Variants in MSH3 observed in about 807,000 individuals in gnomAD.
The protein encoded by MSH3 is mutS homolog 3, also known as DNA mismatch repair protein Msh3.
Under a neutral mutation model 123.3 loss-of-function variants are expected in MSH3, and 106 were observed. That is an observed-to-expected ratio of 0.86 (90% CI 0.73 to 1.01). MSH3 has a LOEUF of 1.01. Ranked by LOEUF, MSH3 falls within the 50% of genes least tolerant of loss-of-function variation. The pLI, the probability that MSH3 is intolerant of heterozygous loss-of-function variation, is 0.00. For missense variants in MSH3, 1,459 were observed against 1,347.6 expected (o/e 1.08, Z -1.29); for synonymous variants, 515 against 481.4 (o/e 1.07, Z -0.91).
At position 80,670,264 on chromosome 5, in the gene MSH3, T is replaced by G. The variant is rs1272356369; in HGVS notation, c.747T>G (p.Cys249Trp). The change falls in exon 4 of 24, where the codon TGT (cysteine) becomes TGG (tryptophan). Residue 249 changes from cysteine (C) to tryptophan (W), a missense_variant. Coordinates refer to ENST00000265081, the MANE Select transcript of MSH3 (RefSeq NM_002439.5). ...AGCAGCACAAAGATGCAGTTTTGTG[T>G]GTGGAATGTGGATATAAGTATAGAT... is the stretch of plus-strand genomic sequence containing the variant. ...MKQQHKDAVL[C>W]VECGYKYRFF... The G allele has an allele frequency of 8.1e-6, 13 of 1,613,978 alleles. No homozygotes were observed. The highest frequency in any genetic ancestry group is 1.1e-5 in the Non-Finnish European group (13 of 1,179,998).
At chr5:80,765,235 TG>T (rs1394724894) in intron 13 of MSH3, among the ~76,000 whole-genome samples, 7 of 152,238 alleles carry the variant, frequency 4.6e-5, no homozygotes, top group Non-Finnish European at 7.3e-5. Context: ...ATCATTTTCT[TG>T]GGATTACAAT....
intron 15 of MSH3, among the ~76,000 whole-genome samples, chr5:80,774,759 T>C (rs1744270765): frequency 1.3e-5 from 2 of 152,098 alleles, no homozygotes; most frequent in Admixed American, 6.5e-5. Context: ...GAGCTAAAAA[T>C]TAAAACAGTT....
chr5:80,671,323 T>C (rs1749719572), intron 4 of MSH3, among the ~76,000 whole-genome samples: 1 of 152,172 alleles, frequency 6.6e-6, no homozygotes, highest in Non-Finnish European at 1.5e-5. Context: ...TAGAGAGTGA[T>C]GAGGTAGCAT....
intron 12 of MSH3, among the ~76,000 whole-genome samples, chr5:80,754,535 A>G (rs1743890676): frequency 6.6e-6 from 1 of 152,200 alleles, no homozygotes; most frequent in African/African-American, 2.4e-5. Context: ...AAAATCAAAT[A>G]CTTACCTGTT....
At position 80,762,778 on chromosome 5, in the gene MSH3, T is replaced by TTTTTATTTTATTTTA. The variant is rs573087291; in HGVS notation, c.1896+1102_1896+1116dup. Among the ~76,000 whole-genome samples, 141 of 128,028 alleles carry TTTTTATTTTATTTTA rather than the reference T, an allele frequency of 1.1e-3. 2 individuals carry two copies. The highest frequency in any genetic ancestry group is 4.2e-3 in the African/African-American group (138 of 32,866). The allele number at this position is 128,028 out of a possible 152,430, so 84.0% of individuals were successfully genotyped here. A position where few individuals can be genotyped will look rare whatever the true frequency, so the allele number is the denominator to read the frequency against. ...TTGTTTTATTTTATTTTATTTTAATTTTTTATTTTATTTTATGTTATGTTA... is the reference window on the plus strand; with the variant it reads ...TTGTTTTATTTTATTTTATTTTAATTTTTTATTTTATTTTATTTTATTTTATTTTATGTTATGTTA... On this transcript the variant is annotated intron_variant, in intron 13 of 23. Transcript: ENST00000265081.
chr5:80,720,074 G>T (rs181785207), intron 8 of MSH3, among the ~76,000 whole-genome samples: 21 of 152,272 alleles, frequency 1.4e-4, no homozygotes, highest in Non-Finnish European at 5.9e-5. Context: ...GATTGGCTAA[G>T]CTTAAAATTC....
At chr5:80,713,946 C>G (rs1750905763) in intron 8 of MSH3, among the ~76,000 whole-genome samples, 1 of 152,056 alleles carries the variant, frequency 6.6e-6, no homozygotes, top group East Asian at 1.9e-4. Flanking sequence ...GTCCCACAGA[C>G]TACAGTTTGA....
intron 8 of MSH3, among the ~76,000 whole-genome samples, chr5:80,717,390 C>T (rs1750984488): frequency 6.6e-6 from 1 of 152,160 alleles, no homozygotes; most frequent in African/African-American, 2.4e-5. Flanking sequence ...CCTCAGCCGC[C>T]TGAGTAGCTG....
chr5:80,820,841 C>T (rs938682951), intron 20 of MSH3, among the ~76,000 whole-genome samples: 4 of 152,174 alleles, frequency 2.6e-5, no homozygotes, highest in African/African-American at 7.2e-5. Context: ...TCTGTCCTGA[C>T]AACACTCTGT....
intron 8 of MSH3, among the ~76,000 whole-genome samples, chr5:80,718,918 T>C (rs1236232534): frequency 6.6e-6 from 1 of 152,238 alleles, no homozygotes; most frequent in African/African-American, 2.4e-5. Flanking sequence ...TTTGCCATGA[T>C]GCTAGTAATC....
In MSH3 at chr5:80,795,144, C is replaced by T. The variant is rs6151861; in HGVS notation, c.2655+2300C>T. On this transcript the variant is annotated intron_variant, in intron 19 of 23. Transcript: ENST00000265081. ...GGGACTGTAACAGAGTATTCTACCT[C>T]GGGCTGTGAGCAGAGGTGGCAGAGA... Among the ~76,000 whole-genome samples, 1,456 of 152,120 alleles carry T rather than the reference C, an allele frequency of 9.6e-3. 20 individuals are homozygous for T. The highest frequency in any genetic ancestry group is 0.031 in the African/African-American group (1,294 of 41,500).
chr5:80,843,888 T>G (rs1745671528), intron 20 of MSH3, among the ~76,000 whole-genome samples: 1 of 151,724 alleles, frequency 6.6e-6, no homozygotes, highest in Admixed American at 6.6e-5. Flanking sequence ...GAAGGATTTT[T>G]TCTATCTCCT....
intron 22 of MSH3, among the ~76,000 whole-genome samples, chr5:80,866,274 G>A (rs192694263): frequency 1.3e-5 from 2 of 152,228 alleles, no homozygotes; most frequent in East Asian, 1.9e-4. Flanking sequence ...CGGTAGCTGG[G>A]ACTACAGGTG....
rs1264432758 is a variant in MSH3 at position 80,744,523 on chromosome 5, A to G, written c.1671A>G (p.Lys557=). ...TTTCTTAGACTGATATGAAAACCAA[A>G]GGAAGTTTGCTGTGGGTTTTAGACC... The part of the protein sequence containing the change: ...ILQNQTDMKT[K]GSLLWVLDHT... Residue 557 remains lysine, a synonymous_variant, in exon 12 of 24, where the codon AAA becomes AAG. Transcript: ENST00000265081. 3.1e-6 allele frequency: 5 copies of G among 1,613,404 alleles called. No homozygotes were observed. The East Asian group carries it at 8.9e-5, about 29-fold the overall frequency.
chr5:80,664,214 G>A (rs921275940), intron 2 of MSH3, among the ~76,000 whole-genome samples: 1 of 152,236 alleles, frequency 6.6e-6, no homozygotes, highest in African/African-American at 2.4e-5. Context: ...GGTTTTATGG[G>A]AAAGGTAGAT....
In MSH3 at chr5:80,736,859, C is replaced by T. The variant is rs147121887; in HGVS notation, c.1569-4605C>T. Among the ~76,000 whole-genome samples the T allele has an allele frequency of 2.2e-3, 334 of 152,292 alleles. 1 individual carries two copies. The highest frequency in any genetic ancestry group is 3.4e-3 in the Middle Eastern group (1 of 294). ...GAGAGGATTCTTGGATGCCCGGTTC[C>T]CCCTGGACTTTGCCTCAGGCACCTT... On this transcript the variant is annotated intron_variant, in intron 10 of 23. Coordinates refer to ENST00000265081, the MANE Select transcript of MSH3 (RefSeq NM_002439.5).
At chr5:80,831,206 C>T (rs1745411421) in intron 20 of MSH3, among the ~76,000 whole-genome samples, 1 of 152,104 alleles carries the variant, frequency 6.6e-6, no homozygotes, top group South Asian at 2.1e-4. Flanking sequence ...GTTATTTCTG[C>T]CTTGTCTTAA....
chr5:80,735,360 G>A (rs1216581192), intron 10 of MSH3, among the ~76,000 whole-genome samples: 2 of 143,222 alleles, frequency 1.4e-5, no homozygotes, highest in East Asian at 2.0e-4. Context: ...CTCCAGCCTC[G>A]GTGACAGTGA....
rs189452355 is a variant in MSH3, at chr5:80,811,073, G to A, written c.2656-2511G>A. On this transcript the variant is annotated intron_variant, in intron 19 of 23. Transcript: ENST00000265081. ...ATTGGAAACACTTCTGTCCCCAAGCGTTTTGGATAAGTGATACTCAACCTG... is the reference window on the plus strand; with the variant it reads ...ATTGGAAACACTTCTGTCCCCAAGCATTTTGGATAAGTGATACTCAACCTG... Among the ~76,000 whole-genome samples the A allele has an allele frequency of 1.3e-3, 198 of 152,090 alleles. 1 individual carries two copies. The highest frequency in any genetic ancestry group is 4.4e-3 in the African/African-American group (181 of 41,514).
Sources: gnomAD v4.1 joint callset for allele counts (sites outside exome capture counted in the v4.1 genomes callset) on GRCh38, gnomAD v4.1.1 for gene constraint, MANE v1.5 for transcripts, NCBI Gene and HGNC (gene_info 2026-07-23, HGNC 2026-07-21) for gene names.